Variants in PRICKLE1 observed in about 807,000 individuals in gnomAD.
PRICKLE1 encodes prickle-like protein 1.
PRICKLE1 carries 14 observed loss-of-function variants against 70.2 expected under a neutral mutation model. The observed-to-expected ratio is 0.20, with a 90% CI of 0.13 to 0.31. The LOEUF (loss-of-function observed/expected upper bound fraction) is 0.31, where lower values mean the gene tolerates loss of function less well. PRICKLE1 is among the 10% of genes least tolerant of loss of function. The pLI, the probability that PRICKLE1 is intolerant of heterozygous loss-of-function variation, is 1.00. For synonymous variants in PRICKLE1, 357 were observed against 379.9 expected (o/e 0.94, Z 0.70); for missense variants, 821 against 1,026.2 (o/e 0.80, Z 2.73).
At chr12:42,500,302 AT>A (rs1435477396) in intron 1 of PRICKLE1, among the ~76,000 whole-genome samples, 11 of 152,206 alleles carry the variant, frequency 7.2e-5, no homozygotes, top group African/African-American at 2.7e-4. Context: ...TAGATACAAA[AT>A]CATTTTATTG....
At chr12:42,550,020 T>C (rs1334916109) in intron 1 of PRICKLE1, among the ~76,000 whole-genome samples, 1 of 152,236 alleles carries the variant, frequency 6.6e-6, no homozygotes, top group Non-Finnish European at 1.5e-5. Context: ...GTTTGACACC[T>C]TTGCACATGC....
intron 1 of PRICKLE1, among the ~76,000 whole-genome samples, chr12:42,501,522 A>T (rs1455519134): frequency 7.1e-6 from 1 of 140,852 alleles, no homozygotes; most frequent in Non-Finnish European, 1.5e-5. Flanking sequence ...AAAAAAAAAA[A>T]AAAAAAAAGA....
chr12:42,530,680 A>ATTTTTTT (rs34675637), intron 1 of PRICKLE1, among the ~76,000 whole-genome samples: 7 of 97,114 alleles, frequency 7.2e-5, no homozygotes, highest in Non-Finnish European at 1.2e-4. Flanking sequence ...TTATCAAATA[A>ATTTTTTT]TTTTTTTTTT....
At chr12:42,541,339 CT>C (rs143632688) in intron 1 of PRICKLE1, among the ~76,000 whole-genome samples, 20 of 148,714 alleles carry the variant, frequency 1.3e-4, no homozygotes, top group Middle Eastern at 6.9e-3. Context: ...CTACTCTTCT[CT>C]TTTTTTTTTC....
intron 1 of PRICKLE1, among the ~76,000 whole-genome samples, chr12:42,505,950 T>C (rs935475799): frequency 1.3e-5 from 2 of 152,216 alleles, no homozygotes; most frequent in Non-Finnish European, 2.9e-5. Context: ...GAACTACTGG[T>C]CTACAGACAT....
intron 1 of PRICKLE1, among the ~76,000 whole-genome samples, chr12:42,580,823 A>AT (rs2120795207): frequency 6.6e-6 from 1 of 152,246 alleles, no homozygotes; most frequent in South Asian, 2.1e-4. Context: ...GCAAAATATC[A>AT]ATGACTACTT....
At chr12:42,499,427 ATTT>A (rs550884637) in intron 1 of PRICKLE1, among the ~76,000 whole-genome samples, 18 of 144,624 alleles carry the variant, frequency 1.2e-4, no homozygotes, top group Middle Eastern at 3.6e-3. Flanking sequence ...TAAATCTAGA[ATTT>A]TTTTTTTTTT....
rs577848613 is a variant in PRICKLE1 at position 42,543,361 on chromosome 12, A to G, written c.-49+46104T>C. ...TTCCTGAGCAGCCACAAATTCATGT[A>G]TAACTCTTTTTTTTTTTTTTGAGAT... is the stretch of plus-strand genomic sequence containing the variant. On this transcript the variant is annotated intron_variant, in intron 1 of 7. Transcript: ENST00000345127. 5.8e-3 allele frequency among the ~76,000 whole-genome samples: 793 copies of G among 136,676 alleles called. 9 individuals are homozygous for G. The highest frequency in any genetic ancestry group is 0.019 in the African/African-American group (743 of 39,104). The allele number at this position is 136,676 out of a possible 152,430, so 89.7% of individuals were successfully genotyped here. A position where few individuals can be genotyped will look rare whatever the true frequency, so the allele number is the denominator to read the frequency against.
intron 1 of PRICKLE1, among the ~76,000 whole-genome samples, chr12:42,482,235 TC>T (rs1309419153): frequency 2.0e-4 from 30 of 152,354 alleles, no homozygotes; most frequent in African/African-American, 7.2e-4. Context: ...ACAAGTACAT[TC>T]CATGACAGTA....
intron 1 of PRICKLE1, among the ~76,000 whole-genome samples, chr12:42,509,635 T>C (rs951191549): frequency 6.6e-6 from 1 of 152,166 alleles, no homozygotes; most frequent in Admixed American, 6.5e-5. Context: ...AATGACTGAA[T>C]GACCAGCTTG....
chr12:42,497,505 T>C lies in PRICKLE1; in HGVS notation c.-48-24941A>G, dbSNP rs546335397. 1.3e-4 allele frequency among the ~76,000 whole-genome samples: 18 copies of C among 139,240 alleles called. No individual in the cohort carries two copies. In the East Asian group the frequency reaches 3.3e-3, roughly 25 times the overall value. 91.3% of individuals were successfully genotyped at this position (139,240 alleles called of 152,430 possible). ...CAGAGCTTGCGGTGAGCCAAGATCG[T>C]GCCACTGCACTCCAGCCTGGGTGAC... On this transcript the variant is annotated intron_variant, in intron 1 of 7. Coordinates refer to ENST00000345127, the MANE Select transcript of PRICKLE1 (RefSeq NM_153026.3).
intron 1 of PRICKLE1, among the ~76,000 whole-genome samples, chr12:42,580,316 A>G (rs1364946225): frequency 1.3e-5 from 2 of 152,196 alleles, no homozygotes; most frequent in East Asian, 3.8e-4. Flanking sequence ...TTTCAACAGT[A>G]TATTAATTAT....
At chr12:42,564,387 A>C (rs1351074487) in intron 1 of PRICKLE1, among the ~76,000 whole-genome samples, 1 of 152,020 alleles carries the variant, frequency 6.6e-6, no homozygotes, top group African/African-American at 2.4e-5. Context: ...CAGGCGGATC[A>C]CCTGAGGTCA....
chr12:42,531,247 C>T (rs905963123), intron 1 of PRICKLE1, among the ~76,000 whole-genome samples: 8 of 150,990 alleles, frequency 5.3e-5, no homozygotes, highest in African/African-American at 1.2e-4. Flanking sequence ...GGGGTTTCAC[C>T]GTGTTAGCCA....
chr12:42,564,865 T>C (rs1352907176), intron 1 of PRICKLE1, among the ~76,000 whole-genome samples: 2 of 152,304 alleles, frequency 1.3e-5, no homozygotes, highest in African/African-American at 2.4e-5. Context: ...CCACCGGTAA[T>C]AAAGAACAGT....
chr12:42,470,899 C>A (rs866504564), intron 2 of PRICKLE1, among the ~76,000 whole-genome samples: 1 of 150,618 alleles, frequency 6.6e-6, no homozygotes, highest in Non-Finnish European at 1.5e-5. Flanking sequence ...GAGCAAGAAT[C>A]CGTCTCAAAA....
intron 1 of PRICKLE1, among the ~76,000 whole-genome samples, chr12:42,578,752 T>TTTATTTATTTATTTAC (rs1167966214): frequency 5.4e-5 from 8 of 148,392 alleles, no homozygotes; most frequent in Non-Finnish European, 8.9e-5. Flanking sequence ...ATTTTATTTA[T>TTTATTTATTTATTTAC]TTATTTATTT....
intron 1 of PRICKLE1, among the ~76,000 whole-genome samples, chr12:42,513,277 T>C (rs530668769): frequency 6.6e-6 from 1 of 152,278 alleles, no homozygotes; most frequent in Admixed American, 6.5e-5. Context: ...ATCATTTTGT[T>C]TGGTCCCTTT....
At chr12:42,510,375 T>G (rs1593146472) in intron 1 of PRICKLE1, among the ~76,000 whole-genome samples, 1 of 152,028 alleles carries the variant, frequency 6.6e-6, no homozygotes, top group African/African-American at 2.4e-5. Flanking sequence ...ATTACAGGTG[T>G]GAGCCACTGT....
Sources: allele counts gnomAD v4.1 joint callset (sites outside exome capture counted in the v4.1 genomes callset), GRCh38; gene constraint gnomAD v4.1.1; transcripts MANE v1.5; gene names NCBI Gene and HGNC (gene_info 2026-07-23, HGNC 2026-07-21).